Variants in RRP15 observed in about 807,000 individuals in gnomAD.
The protein encoded by RRP15 is RRP15-like protein.
Under a neutral mutation model 27.1 loss-of-function variants are expected in RRP15, and 18 were observed. The ratio of observed to expected loss-of-function variants is 0.66; its 90% CI spans 0.46 to 0.98. The LOEUF (loss-of-function observed/expected upper bound fraction) is 0.98, where lower values mean the gene tolerates loss of function less well. Among genes scored for constraint, RRP15 ranks in the 50% least tolerant of loss-of-function variants. The probability of loss-of-function intolerance (pLI) is 0.00; values close to 1 mark genes in which losing one functional copy is unlikely to be tolerated. For synonymous variants in RRP15, 107 were observed against 109.4 expected, an observed-to-expected ratio of 0.98 and a Z score of 0.14; for missense variants, 359 against 337.8, an observed-to-expected ratio of 1.06 and a Z score of -0.49.
chr1:218,296,728 A>G (rs189374045), intron 1 of RRP15, among the ~76,000 whole-genome samples: 2 of 152,206 alleles, frequency 1.3e-5, no homozygotes, highest in East Asian at 3.9e-4. Flanking sequence ...ACATCTAACT[A>G]CATGTTAGCT....
chr1:218,301,154 A>G (rs1016076802), intron 1 of RRP15: 1 of 152,204 alleles, frequency 6.6e-6, no homozygotes, highest in Non-Finnish European at 1.5e-5. Flanking sequence ...AAGAAAGTGC[A>G]GTTGTTTACC....
chr1:218,317,726 CTTTTT>C (rs34893347), intron 4 of RRP15, among the ~76,000 whole-genome samples: 33 of 119,774 alleles, frequency 2.8e-4, no homozygotes, highest in African/African-American at 1.0e-3. Flanking sequence ...GCCCCACACC[CTTTTT>C]TTTTTTTTTT....
chr1:218,314,678 T>C (rs970746587), intron 4 of RRP15, among the ~76,000 whole-genome samples: 3 of 152,012 alleles, frequency 2.0e-5, no homozygotes, highest in Admixed American at 2.0e-4. Flanking sequence ...TAAGGGAAAA[T>C]GCTAGCTGGT....
chr1:218,314,819 C>T (rs888004132), intron 4 of RRP15, among the ~76,000 whole-genome samples: 17 of 151,614 alleles, frequency 1.1e-4, no homozygotes, highest in Non-Finnish European at 1.2e-4. Flanking sequence ...GGTGAAACCC[C>T]GTCTCTACTA....
At chr1:218,292,758 C>T (rs1457638322) in intron 1 of RRP15, among the ~76,000 whole-genome samples, 2 of 152,220 alleles carry the variant, frequency 1.3e-5, no homozygotes, top group Admixed American at 1.3e-4. Context: ...AGGCTCACAT[C>T]TTGTCATTCC....
intron 3 of RRP15, 112 bp from the exon 4 acceptor site, chr1:218,307,319 G>C (rs1655914195): frequency 3.5e-6 from 3 of 854,940 alleles, no homozygotes; most frequent in Non-Finnish European, 5.3e-6. Flanking sequence ...TTGAGTACTT[G>C]TTAAATGCTT....
chr1:218,330,783 CA>C (rs1656353616), intron 4 of RRP15, among the ~76,000 whole-genome samples, 164 bp from the exon 5 acceptor site: 1 of 151,974 alleles, frequency 6.6e-6, no homozygotes. Flanking sequence ...CATATATAAT[CA>C]TAGTATAATC....
intron 4 of RRP15, among the ~76,000 whole-genome samples, chr1:218,327,702 T>A (rs1352184644): frequency 6.6e-6 from 1 of 152,208 alleles, no homozygotes; most frequent in Non-Finnish European, 1.5e-5. Context: ...AATTTTCTAT[T>A]GTGTCTTTTT....
chr1:218,296,089 A>G (rs1355066402), intron 1 of RRP15, among the ~76,000 whole-genome samples: 4 of 152,188 alleles, frequency 2.6e-5, no homozygotes, highest in African/African-American at 9.6e-5. Context: ...CAGAATGAGG[A>G]TGGTGAGCAG....
At chr1:218,299,346 G>T (rs1655774126) in intron 1 of RRP15, among the ~76,000 whole-genome samples, 1 of 152,078 alleles carries the variant, frequency 6.6e-6, no homozygotes, top group Non-Finnish European at 1.5e-5. Flanking sequence ...AGTGCAGGTT[G>T]TATAAAATGG....
chr1:218,328,872 A>T (rs965980305), intron 4 of RRP15, among the ~76,000 whole-genome samples: 2 of 152,060 alleles, frequency 1.3e-5, no homozygotes, highest in African/African-American at 4.8e-5. Context: ...TGTTGATGGC[A>T]TATTGGGTGT....
chr1:218,305,226 G>C (rs753097823), intron 3 of RRP15, 101 bp downstream of exon 3: 40 of 831,222 alleles, frequency 4.8e-5, no homozygotes, highest in Non-Finnish European at 7.0e-5. Flanking sequence ...CCTTCTCAGA[G>C]CCAAGTGATA....
At chr1:218,300,559 G>A (rs1187212962) in intron 1 of RRP15, among the ~76,000 whole-genome samples, 1 of 152,088 alleles carries the variant, frequency 6.6e-6, no homozygotes, top group African/African-American at 2.4e-5. Flanking sequence ...AGAGTAGAGG[G>A]GATCACTCAG....
intron 4 of RRP15, among the ~76,000 whole-genome samples, chr1:218,317,858 C>T (rs1325941070): frequency 1.3e-5 from 2 of 151,408 alleles, no homozygotes; most frequent in Admixed American, 6.6e-5. Flanking sequence ...TCCTCAGCCT[C>T]GCGAGTAGCT....
At chr1:218,300,256 T>C (rs946624599) in intron 1 of RRP15, among the ~76,000 whole-genome samples, 1 of 152,196 alleles carries the variant, frequency 6.6e-6, no homozygotes, top group Admixed American at 6.5e-5. Flanking sequence ...AGATCATGCT[T>C]TTAAAAAATG....
At chr1:218,303,075 T>C (rs769457377) in intron 2 of RRP15, among the ~76,000 whole-genome samples, 2 of 152,218 alleles carry the variant, frequency 1.3e-5, no homozygotes, top group South Asian at 2.1e-4. Context: ...CTACTGATGA[T>C]AGTTGTTAGA....
At chr1:218,298,169 CTTGCCGTCT>C (rs1655750878) in intron 1 of RRP15, among the ~76,000 whole-genome samples, 2 of 152,110 alleles carry the variant, frequency 1.3e-5, no homozygotes, top group South Asian at 2.1e-4. Flanking sequence ...GTTCAGTGAT[CTTGCCGTCT>C]GATCAACTGG....
intron 4 of RRP15, among the ~76,000 whole-genome samples, chr1:218,327,428 C>G (rs987727380): frequency 6.6e-6 from 1 of 152,072 alleles, no homozygotes; most frequent in Non-Finnish European, 1.5e-5. Context: ...TTAGCTTCCC[C>G]AGTAGCTGGG....
rs927220950 is a variant in RRP15, at chr1:218,291,274, C to CA, written c.139+5829dup. Among the ~76,000 whole-genome samples the CA allele has an allele frequency of 7.2e-4, 106 of 146,788 alleles. 1 individual carries two copies. Among genetic ancestry groups the CA allele is most frequent in the African/African-American group, 1.2e-3 (50 of 40,098 alleles). On this transcript the variant is annotated intron_variant, in intron 1 of 4. Transcript: ENST00000366932. ...CTAACATGGCAAAACCCATCTCTAC[C>CA]AAAAAAAAAATATACAAAAAATTAG...
Sources: gnomAD v4.1 joint callset for allele counts (sites outside exome capture counted in the v4.1 genomes callset) on GRCh38, gnomAD v4.1.1 for gene constraint, MANE v1.5 for transcripts, NCBI Gene and HGNC (gene_info 2026-07-23, HGNC 2026-07-21) for gene names.